The following VCAN variants were observed in gnomAD, a reference collection of about 807,000 sequenced individuals.
The protein encoded by VCAN is versican core protein.
In VCAN, 44 loss-of-function variants were observed where a neutral mutation model predicts 245.5. That is an observed-to-expected ratio of 0.18 (90% confidence interval 0.14 to 0.23). VCAN has a LOEUF of 0.23. Ranked by LOEUF, VCAN falls within the 10% of genes least tolerant of loss-of-function variation. The probability of loss-of-function intolerance (pLI) is 1.00; values close to 1 mark genes in which losing one functional copy is unlikely to be tolerated. For synonymous variants in VCAN, 1,413 were observed against 1,437.0 expected, an observed-to-expected ratio of 0.98 and a Z score of 0.38; for missense variants, 3,793 against 4,057.9, an observed-to-expected ratio of 0.93 and a Z score of 1.77.
intron 6 of VCAN, among the ~76,000 whole-genome samples, chr5:83,513,344 G>A (rs1053585671): frequency 6.6e-6 from 1 of 152,140 alleles, no homozygotes; most frequent in Non-Finnish European, 1.5e-5. Context: ...TCTTGTTATA[G>A]CAATATGTCT....
chr5:83,516,314 A>G (rs1745857009), intron 6 of VCAN, among the ~76,000 whole-genome samples: 1 of 152,186 alleles, frequency 6.6e-6, no homozygotes. Flanking sequence ...TAGAGTTTGA[A>G]TTGTAATTTC....
intron 2 of VCAN, among the ~76,000 whole-genome samples, chr5:83,484,066 T>C (rs1744708862): frequency 2.0e-5 from 3 of 152,214 alleles, no homozygotes; most frequent in Admixed American, 2.0e-4. Context: ...GTTTTTTAAT[T>C]TGAAATTTTA....
chr5:83,479,218 G>A (rs1744527552), intron 1 of VCAN, among the ~76,000 whole-genome samples: 1 of 152,044 alleles, frequency 6.6e-6, no homozygotes, highest in South Asian at 2.1e-4. Context: ...GGTTGTCTAG[G>A]GTACCTAATT....
chr5:83,538,761 G>A lies in VCAN; in HGVS notation c.5758G>A (p.Glu1920Lys). The change falls in exon 8 of 15, where the codon GAA (glutamate) becomes AAA (lysine). Residue 1920 changes from glutamate to lysine, a missense_variant. By Grantham distance (56) the Glu-to-Lys change is moderately conservative. Around this residue, in one of 5 missense-constraint regions of VCAN, gnomAD observed 3,182 missense variants for 3,250.3 expected, o/e 0.98. Coordinates refer to ENST00000265077, the MANE Select transcript of VCAN (RefSeq NM_004385.5). ...ERLGEPNYGA[E>K]IRGFSTGFPL... Reference sequence around the variant, plus strand: ...ATTAGGAGAACCAAATTATGGGGCAGAAATAAGGGGCTTTTCCACAGGTTT... The same window carrying A: ...ATTAGGAGAACCAAATTATGGGGCAAAAATAAGGGGCTTTTCCACAGGTTT... The A allele has an allele frequency of 6.2e-7, 1 of 1,614,014 alleles. No individual in the cohort carries two copies. Among genetic ancestry groups the A allele is most frequent in the Non-Finnish European group, 8.5e-7 (1 of 1,179,978 alleles).
intron 8 of VCAN, 38 bp from the exon 9 acceptor site, chr5:83,545,499 G>A (rs781490670): frequency 3.9e-6 from 6 of 1,552,982 alleles, no homozygotes; most frequent in Non-Finnish European, 4.4e-6. Flanking sequence ...CATTAGAGAC[G>A]AGCCTAACTG....
intron 10 of VCAN, among the ~76,000 whole-genome samples, chr5:83,549,797 C>G (rs1030731853): frequency 6.6e-6 from 1 of 152,142 alleles, no homozygotes; most frequent in Non-Finnish European, 1.5e-5. Flanking sequence ...AGTCTGTTTA[C>G]GCAGTGCAGC....
intron 7 of VCAN, among the ~76,000 whole-genome samples, chr5:83,524,769 A>T (rs1256692986): frequency 6.6e-6 from 1 of 152,164 alleles, no homozygotes; most frequent in Non-Finnish European, 1.5e-5. Context: ...GAAAATCCTA[A>T]AGCAGATGTT....
At chr5:83,480,327 G>A (rs138698175) in intron 1 of VCAN, among the ~76,000 whole-genome samples, 5 of 152,060 alleles carry the variant, frequency 3.3e-5, no homozygotes, top group Non-Finnish European at 5.9e-5. Flanking sequence ...CAAAGAGTTC[G>A]ATTTTTAGTA....
At chr5:83,472,735 C>T (rs532748725) in intron 1 of VCAN, among the ~76,000 whole-genome samples, 1 of 152,126 alleles carries the variant, frequency 6.6e-6, no homozygotes, top group Admixed American at 6.5e-5. Flanking sequence ...GTTCTTTTGT[C>T]CTGCACGCGG....
intron 5 of VCAN, 101 bp from the exon 6 acceptor site, chr5:83,512,002 A>T: frequency 6.7e-7 from 1 of 1,497,592 alleles, no homozygotes; most frequent in Non-Finnish European, 9.2e-7. Context: ...GCCATGAAAA[A>T]GTATTACATG....
intron 12 of VCAN, among the ~76,000 whole-genome samples, chr5:83,556,947 C>T (rs1747692947): frequency 2.0e-5 from 3 of 152,134 alleles, no homozygotes. Flanking sequence ...AAGTCTACCT[C>T]CCACGAATTT....
rs1471549183 is a variant in VCAN at position 83,519,790 on chromosome 5, T to A, written c.1484T>A (p.Val495Glu). 1.2e-6 allele frequency: 2 copies of A among 1,614,066 alleles called. No individual in the cohort carries two copies. The highest frequency in any genetic ancestry group is 1.7e-6 in the Non-Finnish European group (2 of 1,179,966). ...ESVTQIEQIE[V>E]GPLVTSMEIL... is the part of the protein sequence containing the mutation. ...GTTACACAGATTGAACAAATAGAAG[T>A]GGGTCCTTTGGTAACATCTATGGAA... The change falls in exon 7 of 15, where the codon GTG becomes GAG. Residue 495 changes from valine (V) to glutamate (E), a missense_variant. Val to Glu is a moderately radical substitution (Grantham distance 121). This residue lies in a region of VCAN where 3,182 missense variants were observed against 3,250.3 expected (regional missense o/e 0.98). Coordinates refer to ENST00000265077, the MANE Select transcript of VCAN (RefSeq NM_004385.5).
rs779229081 is a variant in VCAN, at chr5:83,521,183, C to T, written c.2877C>T (p.Ser959=). ...GATTAGCATTTGTTAGTTATAGTAGCACCCAAGAGCCTACTACTTATGTAG... is the reference window on the plus strand; with the variant it reads ...GATTAGCATTTGTTAGTTATAGTAGTACCCAAGAGCCTACTACTTATGTAG... ...VEGLAFVSYS[S]TQEPTTYVDS... The change falls in exon 7 of 15, where the codon AGC becomes AGT. Residue 959 remains serine (S), a synonymous_variant. Coordinates refer to ENST00000265077, the MANE Select transcript of VCAN (RefSeq NM_004385.5). The T allele has an allele frequency of 3.7e-6, 6 of 1,613,308 alleles. No homozygotes were observed. Among genetic ancestry groups the T allele is most frequent in the Non-Finnish European group, 5.1e-6 (6 of 1,179,462 alleles).
Position 83,580,414 on chromosome 5 carries a change from T to A in VCAN, c.10171T>A (p.Trp3391Arg), listed in dbSNP as rs759216311. 1 of 1,613,816 alleles carries A rather than the reference T, an allele frequency of 6.2e-7. No homozygotes were observed. The highest frequency in any genetic ancestry group is 2.2e-5 in the East Asian group (1 of 44,842). ...ACATGATCATCGTTGGAGCCGGAGG[T>A]GGCAGGAGTCGAGGCGCTGATCCCT... is the stretch of plus-strand genomic sequence containing the variant. ...SKHDHRWSRRWQESRR is the reference protein window; with the variant it reads ...SKHDHRWSRRRQESRR The change falls in exon 15 of 15, where the codon TGG becomes AGG. Residue 3391 changes from tryptophan to arginine, a missense_variant. By Grantham distance (101) the Trp-to-Arg change is moderately radical. Around this residue, in one of 5 missense-constraint regions of VCAN, gnomAD observed 37 missense variants for 28.2 expected, o/e 1.31. Coordinates refer to ENST00000265077, the MANE Select transcript of VCAN (RefSeq NM_004385.5).
chr5:83,476,684 G>A (rs1744404082), intron 1 of VCAN, among the ~76,000 whole-genome samples: 1 of 151,518 alleles, frequency 6.6e-6, no homozygotes, highest in South Asian at 2.1e-4. Flanking sequence ...GTGTGTGTGT[G>A]GGGGGTGCGT....
At position 83,540,275 on chromosome 5, in the gene VCAN, G is replaced by A; in HGVS notation, c.7272G>A (p.Leu2424=). ...CATCAGCACCAAAACCATCTGACTT[G>A]TATTATGAACCTTCTGGAGAAGGAT... ...FVTSAPKPSD[L]YYEPSGEGSG... is the part of the protein sequence containing the mutation. The change falls in exon 8 of 15, where the codon TTG becomes TTA. Residue 2424 remains leucine, a synonymous_variant. Coordinates refer to ENST00000265077, the MANE Select transcript of VCAN (RefSeq NM_004385.5). 1 of 1,614,104 alleles carries A rather than the reference G, an allele frequency of 6.2e-7. No homozygotes were observed. The highest frequency in any genetic ancestry group is 8.5e-7 in the Non-Finnish European group (1 of 1,179,988).
intron 12 of VCAN, among the ~76,000 whole-genome samples, chr5:83,556,404 C>T (rs1336826174): frequency 6.6e-6 from 1 of 152,172 alleles, no homozygotes; most frequent in Non-Finnish European, 1.5e-5. Context: ...AAAATAAGAC[C>T]TGAGTTTCTC....
chr5:83,563,634 T>C (rs1256886605), intron 12 of VCAN, among the ~76,000 whole-genome samples: 1 of 152,192 alleles, frequency 6.6e-6, no homozygotes, highest in Non-Finnish European at 1.5e-5. Flanking sequence ...GGAATTTGCT[T>C]TCCTACTTCG....
rs1746896935 is a variant in VCAN at position 83,539,880 on chromosome 5, ACCT to A, written c.6879_6881del (p.Ser2295del). 3 of 1,614,000 alleles carry A rather than the reference ACCT, an allele frequency of 1.9e-6. No homozygotes were observed. The highest frequency in any genetic ancestry group is 1.3e-5 in the African/African-American group (1 of 74,928). Reference sequence around the variant, plus strand: ...TCCCCACACTTCTCAAGTGGAAAGTACCTCAAGTGACAAAATTGAAGACTTTAA... The same window carrying A: ...TCCCCACACTTCTCAAGTGGAAAGTACAAGTGACAAAATTGAAGACTTTAA... On this transcript the variant is annotated inframe_deletion, in exon 8 of 15. Transcript: ENST00000265077.
Sources: gnomAD v4.1 joint callset for allele counts (sites outside exome capture counted in the v4.1 genomes callset) on GRCh38, gnomAD v4.1.1 for gene constraint, gnomAD v4.1.1 regional missense constraint, MANE v1.5 for transcripts, NCBI Gene and HGNC (gene_info 2026-07-23, HGNC 2026-07-21) for gene names.